GRIP1: variants seen among roughly 807,000 people sequenced by gnomAD.
GRIP1 encodes glutamate receptor interacting protein 1.
Under a neutral mutation model 129.9 loss-of-function variants are expected in GRIP1, and 45 were observed. That is an observed-to-expected ratio of 0.35 (90% CI 0.27 to 0.44). The LOEUF (loss-of-function observed/expected upper bound fraction) is 0.44, where lower values mean the gene tolerates loss of function less well. GRIP1 is among the 20% of genes least tolerant of loss of function. GRIP1 has a pLI of 1.00. For synonymous variants in GRIP1, 530 were observed against 520.8 expected (o/e 1.02, Z -0.24); for missense variants, 1,196 against 1,396.8 (o/e 0.86, Z 2.29).
intron 16 of GRIP1, among the ~76,000 whole-genome samples, chr12:66,403,411 T>C (rs1312413282): frequency 7.2e-5 from 11 of 152,246 alleles, no homozygotes; most frequent in Non-Finnish European, 1.2e-4. Flanking sequence ...TGTTTTTTTT[T>C]CCTCCCTTAC....
At chr12:66,811,924 T>C (rs936676109) in intron 1 of GRIP1, among the ~76,000 whole-genome samples, 1 of 152,176 alleles carries the variant, frequency 6.6e-6, no homozygotes, top group African/African-American at 2.4e-5. Flanking sequence ...CGTCTCTAAA[T>C]GCATTGCCAT....
intron 1 of GRIP1, among the ~76,000 whole-genome samples, chr12:67,009,131 C>T (rs920179718): frequency 6.6e-6 from 1 of 152,134 alleles, no homozygotes; most frequent in African/African-American, 2.4e-5. Flanking sequence ...CTATTTTAAT[C>T]ATGATTTTTA....
intron 7 of GRIP1, among the ~76,000 whole-genome samples, chr12:66,511,603 A>G (rs7973560): frequency 0.71 from 107,304 of 152,046 alleles, 38,741 homozygotes; most frequent in African/African-American, 0.87. Flanking sequence ...AGTGCTCAGT[A>G]TAGTGATCAG....
chr12:66,892,443 T>C (rs1176471304), intron 1 of GRIP1, among the ~76,000 whole-genome samples: 1 of 152,090 alleles, frequency 6.6e-6, no homozygotes, highest in Non-Finnish European at 1.5e-5. Flanking sequence ...TACAGAGAAA[T>C]TCTGTGTATC....
intron 1 of GRIP1, among the ~76,000 whole-genome samples, chr12:66,844,903 A>G (rs1321796049): frequency 6.6e-6 from 1 of 152,222 alleles, no homozygotes; most frequent in African/African-American, 2.4e-5. Flanking sequence ...TGAGGTTTCT[A>G]GAATAGTCAA....
At chr12:66,825,520 G>T (rs1003726155) in intron 1 of GRIP1, among the ~76,000 whole-genome samples, 3 of 152,100 alleles carry the variant, frequency 2.0e-5, no homozygotes, top group African/African-American at 4.8e-5. Context: ...ATCCTACTTT[G>T]CCCAATGACT....
In GRIP1 at chr12:66,678,837, G is replaced by A. The variant is rs1041921654; in HGVS notation, c.55+13C>T. 1.9e-6 allele frequency: 3 copies of A among 1,611,976 alleles called. No individual in the cohort carries two copies. Among genetic ancestry groups the A allele is most frequent in the African/African-American group, 1.3e-5 (1 of 74,842 alleles). ...ACAGACTCGCTGAGGGAATAACAAG[G>A]AAAGCACGATACCTTTAGTAAGTCG... On this transcript the variant is annotated intron_variant, in intron 1 of 24. Coordinates refer to ENST00000359742, the MANE Select transcript of GRIP1 (RefSeq NM_001366722.1).
At chr12:66,673,109 GA>G (rs201041733) in intron 1 of GRIP1, among the ~76,000 whole-genome samples, 2 of 151,918 alleles carry the variant, frequency 1.3e-5, no homozygotes, top group African/African-American at 2.4e-5. Flanking sequence ...TTCTAGAAGA[GA>G]AAAAAAATGG....
chr12:66,777,487 A>G (rs2038019279), intron 1 of GRIP1, among the ~76,000 whole-genome samples: 2 of 152,122 alleles, frequency 1.3e-5, no homozygotes, highest in South Asian at 4.1e-4. Context: ...CTTTTTATTC[A>G]CAGTACCTAT....
intron 1 of GRIP1, among the ~76,000 whole-genome samples, chr12:66,956,948 G>T (rs2137517201): frequency 1.3e-5 from 2 of 152,130 alleles, no homozygotes; most frequent in Non-Finnish European, 2.9e-5. Flanking sequence ...GTCAACACAG[G>T]GTTCACTCTA....
chr12:66,493,942 G>A (rs1016879056), intron 7 of GRIP1, among the ~76,000 whole-genome samples: 12 of 152,096 alleles, frequency 7.9e-5, no homozygotes, highest in Non-Finnish European at 1.8e-4. Context: ...TGAAAAATCT[G>A]GGCTGCAGGT....
At chr12:66,697,516 C>T (rs560740689) in intron 1 of GRIP1, among the ~76,000 whole-genome samples, 4 of 152,212 alleles carry the variant, frequency 2.6e-5, no homozygotes, top group African/African-American at 4.8e-5. Context: ...GGGAAATGGC[C>T]GACAACACAA....
chr12:66,771,601 G>A (rs146325780), intron 1 of GRIP1, among the ~76,000 whole-genome samples: 170 of 152,230 alleles, frequency 1.1e-3, no homozygotes, highest in African/African-American at 3.7e-3. Context: ...CAATCCCAGC[G>A]CAGAGAGGTC....
chr12:67,060,911 T>C (rs936083281), intron 1 of GRIP1, among the ~76,000 whole-genome samples: 1 of 151,950 alleles, frequency 6.6e-6, no homozygotes. Flanking sequence ...ATCATTTTAA[T>C]TGAGAATAAT....
chr12:66,727,290 G>A (rs1453456747), intron 1 of GRIP1, among the ~76,000 whole-genome samples: 1 of 152,204 alleles, frequency 6.6e-6, no homozygotes, highest in Admixed American at 6.5e-5. Flanking sequence ...AGTGGAATAG[G>A]TGGGGGCAAA....
intron 1 of GRIP1, among the ~76,000 whole-genome samples, chr12:66,903,247 T>C (rs1333468873): frequency 6.6e-6 from 1 of 152,098 alleles, no homozygotes; most frequent in Non-Finnish European, 1.5e-5. Flanking sequence ...TCTAGTTGTT[T>C]TAATTATTCA....
chr12:66,545,063 T>C (rs2061907012), intron 2 of GRIP1, among the ~76,000 whole-genome samples: 1 of 152,108 alleles, frequency 6.6e-6, no homozygotes, highest in South Asian at 2.1e-4. Flanking sequence ...GGGAGCACTG[T>C]ACACTCTTTC....
At chr12:66,954,051 CAG>C (rs1592387080) in intron 1 of GRIP1, among the ~76,000 whole-genome samples, 1 of 152,212 alleles carries the variant, frequency 6.6e-6, no homozygotes, top group East Asian at 1.9e-4. Context: ...CTCCTCTGCA[CAG>C]AGTTTGCATT....
intron 1 of GRIP1, among the ~76,000 whole-genome samples, chr12:67,001,156 T>C (rs1201766533): frequency 1.3e-5 from 2 of 152,198 alleles, no homozygotes; most frequent in Non-Finnish European, 2.9e-5. Context: ...TACTTGTTTA[T>C]ACTAGCTCTG....
Sources: allele counts gnomAD v4.1 joint callset (sites outside exome capture counted in the v4.1 genomes callset), GRCh38; gene constraint gnomAD v4.1.1; transcripts MANE v1.5; gene names NCBI Gene and HGNC (gene_info 2026-07-23, HGNC 2026-07-21).